The following CYP3A7 variants were observed in gnomAD, a reference collection of about 807,000 sequenced individuals.
CYP3A7 encodes cytochrome P450 3A7.
In CYP3A7, 45 loss-of-function variants were observed where a neutral mutation model predicts 55.2. That is an observed-to-expected ratio of 0.82 (90% CI 0.64 to 1.05). The LOEUF (loss-of-function observed/expected upper bound fraction) is 1.05. Ranked by LOEUF, CYP3A7 falls within the 50% of genes least tolerant of loss-of-function variation. The pLI is 0.00. For missense variants in CYP3A7, 548 were observed against 605.3 expected, an observed-to-expected ratio of 0.91 and a Z score of 0.99; for synonymous variants, 180 against 207.4, an observed-to-expected ratio of 0.87 and a Z score of 1.13.
At position 99,707,894 on chromosome 7, in the gene CYP3A7, A is replaced by T. The variant is rs1813584015; in HGVS notation, c.1334T>A (p.Met445Lys). ...TTTCATGTTCACGAGAGCAAACCTC[A>T]TGCCAATGCAGTTTCTGGGTCCACT... ...FGSGPRNCIG[M>K]RFALVNMKLA... The change falls in exon 12 of 13, where the codon ATG (methionine) becomes AAG (lysine). Residue 445 changes from methionine (M) to lysine (K), a missense_variant. Transcript: ENST00000336374. The T allele has an allele frequency of 1.2e-6, 2 of 1,613,922 alleles. No individual in the cohort carries two copies. The highest frequency in any genetic ancestry group is 2.2e-5 in the South Asian group (2 of 91,090).
intron 2 of CYP3A7, among the ~76,000 whole-genome samples, chr7:99,726,912 T>C (rs1814433950): frequency 6.6e-6 from 1 of 152,214 alleles, no homozygotes; most frequent in African/African-American, 2.4e-5. Flanking sequence ...TGATCATGTC[T>C]GGCTGATCTC....
chr7:99,732,570 C>T (rs376477409), intron 1 of CYP3A7, among the ~76,000 whole-genome samples: 1 of 152,066 alleles, frequency 6.6e-6, no homozygotes, highest in Non-Finnish European at 1.5e-5. Context: ...CTTTGATGGG[C>T]CATGTATGGA....
intron 2 of CYP3A7, among the ~76,000 whole-genome samples, chr7:99,729,437 C>A (rs557316682): frequency 1.3e-5 from 2 of 152,182 alleles, no homozygotes; most frequent in African/African-American, 4.8e-5. Flanking sequence ...TACCACCCCC[C>A]AAAAATTTTT....
chr7:99,725,735 G>A (rs1001867755), intron 2 of CYP3A7, among the ~76,000 whole-genome samples: 2 of 152,216 alleles, frequency 1.3e-5, no homozygotes, highest in Non-Finnish European at 2.9e-5. Flanking sequence ...CTTAGTGGCT[G>A]AAGACTGATG....
chr7:99,713,284 C>T (rs1813823798), intron 9 of CYP3A7, among the ~76,000 whole-genome samples, 185 bp downstream of exon 9: 1 of 152,172 alleles, frequency 6.6e-6, no homozygotes, highest in African/African-American at 2.4e-5. Context: ...AAGCTTAGAA[C>T]ATGGCTATCT....
chr7:99,734,899 G>C (rs1358415938), intron 1 of CYP3A7, 124 bp downstream of exon 1: 1 of 1,447,444 alleles, frequency 6.9e-7, no homozygotes, highest in Non-Finnish European at 9.6e-7. Context: ...GGGATGACAG[G>C]TGTGAGCCAC....
chr7:99,714,262 A>G (rs1813854155), intron 8 of CYP3A7, among the ~76,000 whole-genome samples: 2 of 152,220 alleles, frequency 1.3e-5, no homozygotes, highest in South Asian at 4.1e-4. Context: ...TTGACAATTT[A>G]TTGAAGGGAA....
At chr7:99,725,840 G>A (rs1440986977) in intron 2 of CYP3A7, among the ~76,000 whole-genome samples, 1 of 152,090 alleles carries the variant, frequency 6.6e-6, no homozygotes. Context: ...CTGTGTAATC[G>A]ATAGGGGGGA....
chr7:99,728,299 T>G lies in CYP3A7; in HGVS notation c.165+2760A>C, dbSNP rs116304942. On this transcript the variant is annotated intron_variant, in intron 2 of 12. Transcript: ENST00000336374. ...TCCCTTAAGACATTTGCCCTGTATT[T>G]CACTCCATTCTTGGCTACCTTCCCC... Among the ~76,000 whole-genome samples, 628 of 152,322 alleles carry G rather than the reference T, an allele frequency of 4.1e-3. 11 individuals carry two copies. The highest frequency in any genetic ancestry group is 0.013 in the African/African-American group (522 of 41,574).
Position 99,705,182 on chromosome 7 carries a change from G to T in CYP3A7, c.*318C>A, listed in dbSNP as rs776643594. On this transcript the variant is annotated 3_prime_UTR_variant, in exon 13 of 13. Coordinates refer to ENST00000336374, the MANE Select transcript of CYP3A7 (RefSeq NM_000765.5). Reference sequence around the variant, plus strand: ...TAATGATTGTGGTTGAAATTATTGAGAAATGTTAATTATGTTATCAGAGCT... The same window carrying T: ...TAATGATTGTGGTTGAAATTATTGATAAATGTTAATTATGTTATCAGAGCT... 1.9e-5 allele frequency: 5 copies of T among 263,554 alleles called. No homozygotes were observed. The highest frequency in any genetic ancestry group is 2.9e-5 in the Non-Finnish European group (4 of 135,770). 16.3% of individuals were successfully genotyped at this position (263,554 alleles called of 1,614,324 possible).
intron 6 of CYP3A7, among the ~76,000 whole-genome samples, chr7:99,716,507 T>C (rs878946312): frequency 6.6e-6 from 1 of 152,148 alleles, no homozygotes; most frequent in Non-Finnish European, 1.5e-5. Context: ...TAATGACAAA[T>C]GATGTCCTGG....
intron 2 of CYP3A7, among the ~76,000 whole-genome samples, chr7:99,727,534 A>G (rs1416283628): frequency 1.3e-5 from 2 of 152,092 alleles, no homozygotes; most frequent in African/African-American, 2.4e-5. Flanking sequence ...CCTTATCCCC[A>G]TGACTGTATC....
intron 11 of CYP3A7, 92 bp downstream of exon 11, chr7:99,708,943 C>T (rs2687077): frequency 0.86 from 1,203,596 of 1,392,382 alleles, 530,128 homozygotes; most frequent in Non-Finnish European, 0.91. Flanking sequence ...GACAAGCAAA[C>T]GATTGTACAA....
At position 99,710,786 on chromosome 7, in the gene CYP3A7, G is replaced by A; in HGVS notation, c.972C>T (p.His324=). 6.2e-7 allele frequency: 1 copy of A among 1,613,938 alleles called. No homozygotes were observed. The highest frequency in any genetic ancestry group is 8.5e-7 in the Non-Finnish European group (1 of 1,179,916). Residue 324 remains histidine, a synonymous_variant, in exon 10 of 13, where the codon CAC becomes CAT. Transcript: ENST00000336374. Reference sequence around the variant, plus strand: ...TCTGCACTTTCTGCTGGACATCAGGGTGAGTGGCCAGTTCATATATAATGA... The same window carrying A: ...TCTGCACTTTCTGCTGGACATCAGGATGAGTGGCCAGTTCATATATAATGA... The part of the protein sequence containing the change: ...LSFIIYELAT[H]PDVQQKVQKE...
intron 2 of CYP3A7, chr7:99,730,821 A>G (rs902753072): frequency 6.0e-6 from 3 of 499,922 alleles, no homozygotes; most frequent in Non-Finnish European, 7.2e-6. Flanking sequence ...AGTTGTGAAC[A>G]TCAGATTGCT....
At chr7:99,709,698 C>T (rs1813670872) in intron 10 of CYP3A7, among the ~76,000 whole-genome samples, 1 of 151,980 alleles carries the variant, frequency 6.6e-6, no homozygotes, top group African/African-American at 2.4e-5. Context: ...GATTATTGGC[C>T]AAACTTCTGG....
Position 99,720,404 on chromosome 7 carries a change from T to C in CYP3A7, c.227A>G (p.Asp76Gly). 6.8e-6 allele frequency: 11 copies of C among 1,613,616 alleles called. No individual in the cohort carries two copies. The highest frequency in any genetic ancestry group is 9.3e-6 in the Non-Finnish European group (11 of 1,179,640). The stretch of plus-strand genomic sequence containing the variant: ...GATAGCCAGCATAGGCTGTTGACAG[T>C]CATAAATACTGTGTGGAGAAAACAG... ...KKYRKVWGIY[D>G]CQQPMLAITD... Residue 76 changes from aspartate (D) to glycine (G), a missense_variant, in exon 4 of 13, where the codon GAC becomes GGC. Asp to Gly is a moderately conservative substitution (Grantham distance 94). Transcript: ENST00000336374.
At chr7:99,709,566 C>T (rs1001115135) in intron 10 of CYP3A7, among the ~76,000 whole-genome samples, 1 of 152,082 alleles carries the variant, frequency 6.6e-6, no homozygotes, top group Admixed American at 6.6e-5. Context: ...GACTAATAGG[C>T]TATGACCACT....
Position 99,710,727 on chromosome 7 carries a change from C to T in CYP3A7, c.1026+5G>A. The T allele has an allele frequency of 6.2e-7, 1 of 1,613,806 alleles. No homozygotes were observed. Among genetic ancestry groups the T allele is most frequent in the Non-Finnish European group, 8.5e-7 (1 of 1,179,824 alleles). ...TCCCTCCTTCTCCATGTACTGTCCA[C>T]TCACCTTATTGGGTAAAACTGTATC... On this transcript the variant is annotated splice_donor_5th_base_variant and intron_variant, in intron 10 of 12. Coordinates refer to ENST00000336374, the MANE Select transcript of CYP3A7 (RefSeq NM_000765.5).
Sources: gnomAD v4.1 joint callset for allele counts (sites outside exome capture counted in the v4.1 genomes callset) on GRCh38, gnomAD v4.1.1 for gene constraint, MANE v1.5 for transcripts, NCBI Gene and HGNC (gene_info 2026-07-23, HGNC 2026-07-21) for gene names.